The following CCDC91 variants were observed in gnomAD, a reference collection of about 807,000 sequenced individuals.
The protein encoded by CCDC91 is coiled-coil domain containing 91.
Under a neutral mutation model 63.2 loss-of-function variants are expected in CCDC91, and 48 were observed. The ratio of observed to expected loss-of-function variants is 0.76; its 90% CI spans 0.60 to 0.97. The LOEUF is 0.97. Ranked by LOEUF, CCDC91 falls within the 50% of genes least tolerant of loss-of-function variation. CCDC91 has a pLI of 0.00. For synonymous variants in CCDC91, 167 were observed against 165.8 expected, an observed-to-expected ratio of 1.01 and a Z score of -0.06; for missense variants, 500 against 494.6, an observed-to-expected ratio of 1.01 and a Z score of -0.10.
chr12:28,252,480 T>G (rs1946187276), intron 1 of CCDC91, among the ~76,000 whole-genome samples: 4 of 152,016 alleles, frequency 2.6e-5, no homozygotes, highest in Admixed American at 2.6e-4. Context: ...CTTATACTTT[T>G]TTAAAAGAAA....
rs573499227 is a variant in CCDC91 at position 28,467,143 on chromosome 12, A to G, written c.1101+14489A>G. Among the ~76,000 whole-genome samples, 6 of 152,174 alleles carry G rather than the reference A, an allele frequency of 3.9e-5. No individual in the cohort carries two copies. The South Asian group carries it at 1.2e-3, about 32-fold the overall frequency. On this transcript the variant is annotated intron_variant, in intron 11 of 12. Transcript: ENST00000536442. ...CAGTAATGACATTTAATATAAATGGACTAAACTCTCCAATCAAAAGCTGTA... is the reference window on the plus strand; with the variant it reads ...CAGTAATGACATTTAATATAAATGGGCTAAACTCTCCAATCAAAAGCTGTA...
chr12:28,375,452 T>G (rs1944889014), intron 7 of CCDC91, among the ~76,000 whole-genome samples: 1 of 151,896 alleles, frequency 6.6e-6, no homozygotes, highest in African/African-American at 2.4e-5. Flanking sequence ...TTCACCTTCT[T>G]GGGCTCAGTT....
At chr12:28,302,337 A>G (rs1189943880) in intron 3 of CCDC91, among the ~76,000 whole-genome samples, 3 of 152,008 alleles carry the variant, frequency 2.0e-5, no homozygotes, top group African/African-American at 2.4e-5. Context: ...TATAACTTCA[A>G]TGACAACTTC....
chr12:28,219,303 A>G (rs1456056907), intron 1 of CCDC91, among the ~76,000 whole-genome samples: 1 of 152,104 alleles, frequency 6.6e-6, no homozygotes, highest in Non-Finnish European at 1.5e-5. Context: ...CTTATTATTT[A>G]TATGTAAGCT....
At chr12:28,456,171 G>A (rs1326514445) in intron 11 of CCDC91, among the ~76,000 whole-genome samples, 3 of 152,078 alleles carry the variant, frequency 2.0e-5, no homozygotes, top group Non-Finnish European at 4.4e-5. Flanking sequence ...TAACATTTAT[G>A]GCGCCTCTGC....
chr12:28,505,525 G>A (rs1390000093), intron 12 of CCDC91: 3 of 151,810 alleles, frequency 2.0e-5, no homozygotes, highest in Admixed American at 6.6e-5. Flanking sequence ...TGAAGTTAAA[G>A]CATCTGTAAA....
intron 12 of CCDC91, among the ~76,000 whole-genome samples, chr12:28,502,691 G>A (rs2141154083): frequency 6.6e-6 from 1 of 151,584 alleles, no homozygotes; most frequent in South Asian, 2.1e-4. Flanking sequence ...TATACTACAA[G>A]GCTACAATAA....
intron 12 of CCDC91, among the ~76,000 whole-genome samples, chr12:28,529,230 T>C (rs1941536901): frequency 6.6e-6 from 1 of 152,220 alleles, no homozygotes; most frequent in Non-Finnish European, 1.5e-5. Flanking sequence ...GTCTAGTGTT[T>C]TGCTGTTTTT....
intron 6 of CCDC91, among the ~76,000 whole-genome samples, chr12:28,329,941 G>A (rs956732622): frequency 3.3e-5 from 5 of 152,114 alleles, no homozygotes; most frequent in African/African-American, 1.2e-4. Flanking sequence ...CAAAGGACAT[G>A]GACTCATCCT....
intron 8 of CCDC91, among the ~76,000 whole-genome samples, chr12:28,442,593 T>A (rs1368989510): frequency 6.6e-6 from 1 of 152,108 alleles, no homozygotes; most frequent in Non-Finnish European, 1.5e-5. Context: ...AACAAAAATA[T>A]ACTTTCAACT....
intron 12 of CCDC91, among the ~76,000 whole-genome samples, chr12:28,530,783 G>GT (rs1941666495): frequency 6.6e-6 from 1 of 152,120 alleles, no homozygotes; most frequent in African/African-American, 2.4e-5. Context: ...AAATAAAGCA[G>GT]TTTTTCAGTG....
chr12:28,220,935 T>C (rs1324137303), intron 1 of CCDC91, among the ~76,000 whole-genome samples: 3 of 152,124 alleles, frequency 2.0e-5, no homozygotes, highest in Non-Finnish European at 2.9e-5. Flanking sequence ...GTTTGTTCTT[T>C]CTCGCTATTC....
intron 3 of CCDC91, among the ~76,000 whole-genome samples, chr12:28,269,815 G>GTTATTAGGAA (rs1947617263): frequency 6.6e-6 from 1 of 152,012 alleles, no homozygotes; most frequent in African/African-American, 2.4e-5. Flanking sequence ...ATTTGTACCT[G>GTTATTAGGAA]TTATTAGGAA....
At chr12:28,541,581 A>T (rs1942634940) in intron 12 of CCDC91, among the ~76,000 whole-genome samples, 2 of 152,126 alleles carry the variant, frequency 1.3e-5, no homozygotes, top group Admixed American at 1.3e-4. Flanking sequence ...TGATAAAAAT[A>T]CAGCAGAAGT....
chr12:28,473,233 A>C (rs1035510440), intron 11 of CCDC91, among the ~76,000 whole-genome samples: 1 of 152,132 alleles, frequency 6.6e-6, no homozygotes, highest in Admixed American at 6.6e-5. Context: ...AATCACAGCA[A>C]CTCTTTACTA....
chr12:28,408,383 A>G (rs1947102705), intron 8 of CCDC91, among the ~76,000 whole-genome samples: 1 of 152,204 alleles, frequency 6.6e-6, no homozygotes, highest in South Asian at 2.1e-4. Flanking sequence ...CCAGTCTATC[A>G]ATGATGGACA....
chr12:28,437,914 T>G (rs188124813), intron 8 of CCDC91, among the ~76,000 whole-genome samples: 5 of 152,276 alleles, frequency 3.3e-5, no homozygotes. Context: ...GGTCTGATTC[T>G]AACTGTATTA....
At chr12:28,500,061 A>G (rs993863042) in intron 12 of CCDC91, among the ~76,000 whole-genome samples, 1 of 152,056 alleles carries the variant, frequency 6.6e-6, no homozygotes, top group Non-Finnish European at 1.5e-5. Context: ...ATGGTATCTC[A>G]TTGTGGTTTT....
intron 7 of CCDC91, among the ~76,000 whole-genome samples, chr12:28,380,674 G>A (rs944968862): frequency 2.0e-5 from 3 of 152,002 alleles, no homozygotes; most frequent in African/African-American, 7.2e-5. Context: ...TTCTAAGCTT[G>A]TTCAACAGGT....
Sources: allele counts gnomAD v4.1 joint callset (sites outside exome capture counted in the v4.1 genomes callset), GRCh38; gene constraint gnomAD v4.1.1; transcripts MANE v1.5; gene names NCBI Gene and HGNC (gene_info 2026-07-23, HGNC 2026-07-21).